The following SBNO2 variants were observed in gnomAD, a reference collection of about 807,000 sequenced individuals.
The protein encoded by SBNO2 is protein strawberry notch homolog 2.
In SBNO2, 89 loss-of-function variants were observed where a neutral mutation model predicts 146.3. That is an observed-to-expected ratio of 0.61 (90% confidence interval 0.51 to 0.73). The LOEUF (loss-of-function observed/expected upper bound fraction) is 0.73. Among genes scored for constraint, SBNO2 ranks in the 30% least tolerant of loss-of-function variants. The pLI is 0.00. For synonymous variants in SBNO2, 1,147 were observed against 892.6 expected, an observed-to-expected ratio of 1.29 and a Z score of -5.08; for missense variants, 2,092 against 2,003.7, an observed-to-expected ratio of 1.04 and a Z score of -0.84.
intron 4 of SBNO2, among the ~76,000 whole-genome samples, chr19:1,146,293 G>A (rs1192296497): frequency 1.3e-5 from 2 of 152,164 alleles, no homozygotes; most frequent in Non-Finnish European, 2.9e-5. Context: ...GCTTTGCCCC[G>A]CTCTGCTACG....
chr19:1,117,463 C>T lies in SBNO2; in HGVS notation c.1564G>A (p.Asp522Asn), dbSNP rs771547650. Residue 522 changes from aspartate (D) to asparagine (N), a missense_variant, in exon 15 of 32, where the codon GAC (aspartate) becomes AAC (asparagine). Coordinates refer to ENST00000361757, the MANE Select transcript of SBNO2 (RefSeq NM_014963.3). Reference sequence around the variant, plus strand: ...TTGCGCGACTCCAGGCCGATCCAGTCGGCCGCCTGCTGGAACACGTTCAGG... The same window carrying T: ...TTGCGCGACTCCAGGCCGATCCAGTTGGCCGCCTGCTGGAACACGTTCAGG... The part of the protein sequence containing the change: ...EALNVFQQAA[D>N]WIGLESRKSL... 8 of 1,587,718 alleles carry T rather than the reference C, an allele frequency of 5.0e-6. No individual in the cohort carries two copies. The South Asian group carries it at 5.8e-5, about 11-fold the overall frequency.
At chr19:1,164,099 G>A (rs1448940057) in intron 1 of SBNO2, among the ~76,000 whole-genome samples, 1 of 152,256 alleles carries the variant, frequency 6.6e-6, no homozygotes, top group Non-Finnish European at 1.5e-5. Context: ...TCTCCTGGGA[G>A]GGCTCAAGGG....
In SBNO2 at chr19:1,119,528, G is replaced by A. The variant is rs2079874176; in HGVS notation, c.1361C>T (p.Ala454Val). The A allele has an allele frequency of 6.2e-7, 1 of 1,607,656 alleles. No homozygotes were observed. The highest frequency in any genetic ancestry group is 1.3e-5 in the African/African-American group (1 of 74,800). The change falls in exon 13 of 32, where the codon GCC (alanine) becomes GTC (valine). Residue 454 changes from alanine (A) to valine (V), a missense_variant. Coordinates refer to ENST00000361757, the MANE Select transcript of SBNO2 (RefSeq NM_014963.3). Reference sequence around the variant, plus strand: ...GAAGGGCACTCACCTCTTCTCGATGGCGTGCAGGAACTCCTCAAAGTTCCG... The same window carrying A: ...GAAGGGCACTCACCTCTTCTCGATGACGTGCAGGAACTCCTCAAAGTTCCG... ...PFRNFEEFLH[A>V]IEKRGVGAME...
chr19:1,159,817 G>A (rs1213854329), intron 1 of SBNO2, among the ~76,000 whole-genome samples: 1 of 137,482 alleles, frequency 7.3e-6, no homozygotes, highest in Non-Finnish European at 1.6e-5. Flanking sequence ...ACAGTGGGGG[G>A]ACAGGAGGGG....
intron 11 of SBNO2, 173 bp from the exon 12 acceptor site, chr19:1,120,196 C>T (rs1200952588): frequency 2.5e-5 from 13 of 527,984 alleles, no homozygotes; most frequent in Non-Finnish European, 3.4e-5. Flanking sequence ...GGGGGGCGGG[C>T]GGGCAGGCGG....
intron 11 of SBNO2, among the ~76,000 whole-genome samples, chr19:1,120,771 C>T (rs1263970755): frequency 4.6e-5 from 7 of 152,038 alleles, no homozygotes; most frequent in Non-Finnish European, 8.8e-5. Flanking sequence ...CTGGTTCAAG[C>T]GATTCTCCTG....
intron 1 of SBNO2, among the ~76,000 whole-genome samples, chr19:1,155,737 C>A (rs919396110): frequency 1.3e-5 from 2 of 152,176 alleles, no homozygotes; most frequent in Non-Finnish European, 2.9e-5. Context: ...CGACCCCGGC[C>A]CCGTGTGCTG....
In SBNO2 at chr19:1,112,872, C is replaced by T; in HGVS notation, c.2325G>A (p.Leu775=). The change falls in exon 20 of 32, where the codon CTG becomes CTA. Residue 775 remains leucine (L), a synonymous_variant. Coordinates refer to ENST00000361757, the MANE Select transcript of SBNO2 (RefSeq NM_014963.3). This position sits in a 1 kb window ranked among gnomAD's most constrained non-coding sequence, Gnocchi z 5.9. ...VAFESRAEQG[L]SIDHVNLREK... ...CCCTGAGGTTCACGTGGTCGATGGA[C>T]AGACCCTGCTCTGCCCGCGACTCGA... 1 of 1,575,266 alleles carries T rather than the reference C, an allele frequency of 6.3e-7. No individual in the cohort carries two copies. The highest frequency in any genetic ancestry group is 8.6e-7 in the Non-Finnish European group (1 of 1,162,052).
chr19:1,146,085 C>T (rs1021546468), intron 4 of SBNO2, among the ~76,000 whole-genome samples: 2 of 152,168 alleles, frequency 1.3e-5, no homozygotes, highest in African/African-American at 4.8e-5. Flanking sequence ...CGGCCTCCAG[C>T]GTGGCGCCAG....
At position 1,109,188 on chromosome 19, in the gene SBNO2, C is replaced by T; in HGVS notation, c.3372G>A (p.Glu1124=). Residue 1124 remains glutamate, a synonymous_variant, in exon 30 of 32, where the codon GAG becomes GAA. Transcript: ENST00000361757. The surrounding 1 kb of genome is among the most constrained non-coding windows in gnomAD (Gnocchi z 4.2). ...ACAAAGCGTAGCCACTCTCCCAGGG[C>T]TCCTTGGCCTCCTCCGCGGTGACCT... The part of the protein sequence containing the change: ...FHRVTAEEAK[E]PWESGYALSL... 6.4e-7 allele frequency: 1 copy of T among 1,562,832 alleles called. No homozygotes were observed. The highest frequency in any genetic ancestry group is 8.7e-7 in the Non-Finnish European group (1 of 1,154,648).
chr19:1,123,710 G>A (rs1599841675), intron 6 of SBNO2, 71 bp from the exon 7 acceptor site: 1 of 1,438,828 alleles, frequency 7.0e-7, no homozygotes, highest in African/African-American at 1.4e-5. Flanking sequence ...TCCCCCAGGG[G>A]CAGGGGCCAG....
chr19:1,164,852 C>G (rs1385965019), intron 1 of SBNO2, among the ~76,000 whole-genome samples: 12 of 1,742 alleles, frequency 6.9e-3, no homozygotes, highest in Non-Finnish European at 0.01. Context: ...GGAGGAGGAA[C>G]AGGAGGAGGA....
At position 1,149,432 on chromosome 19, in the gene SBNO2, A is replaced by C; in HGVS notation, c.104T>G (p.Leu35Arg). The change falls in exon 3 of 32, where the codon CTG (leucine) becomes CGG (arginine). Residue 35 changes from leucine to arginine, a missense_variant. Physicochemically the swap from Leu to Arg is moderately radical, Grantham distance 102. Transcript: ENST00000361757. ...YSPPPLQSAMLHCPYWNTFSL... is the reference protein window; with the variant it reads ...YSPPPLQSAMRHCPYWNTFSL... ...GAAGGTGTTCCAGTAGGGGCAGTGCAGCATGGCGCTCTAGAAGAGACAGCG... is the reference window on the plus strand; with the variant it reads ...GAAGGTGTTCCAGTAGGGGCAGTGCCGCATGGCGCTCTAGAAGAGACAGCG... The C allele has an allele frequency of 6.4e-7, 1 of 1,552,008 alleles. No homozygotes were observed. The highest frequency in any genetic ancestry group is 8.7e-7 in the Non-Finnish European group (1 of 1,147,972).
At chr19:1,121,964 T>C (rs931735119) in intron 11 of SBNO2, among the ~76,000 whole-genome samples, 175 bp downstream of exon 11, 50 of 151,846 alleles carry the variant, frequency 3.3e-4, no homozygotes, top group Admixed American at 1.6e-3. Flanking sequence ...ACATCCAGGG[T>C]AGTGAGCTCC....
chr19:1,145,801 AC>A (rs1244186393), intron 4 of SBNO2, among the ~76,000 whole-genome samples: 5 of 152,126 alleles, frequency 3.3e-5, no homozygotes, highest in African/African-American at 1.2e-4. Flanking sequence ...GTCCAGGGCT[AC>A]TGCGGGTGAG....
chr19:1,155,059 C>T (rs1027406375), intron 1 of SBNO2: 2 of 152,196 alleles, frequency 1.3e-5, no homozygotes, highest in African/African-American at 4.8e-5. Flanking sequence ...CAGACGCCCG[C>T]CAGGCTGAGC....
intron 1 of SBNO2, among the ~76,000 whole-genome samples, chr19:1,164,322 C>T (rs935649131): frequency 3.3e-5 from 5 of 151,086 alleles, no homozygotes; most frequent in Non-Finnish European, 4.4e-5. Flanking sequence ...ACAAAGCCTC[C>T]CCCGTGCACA....
At chr19:1,135,333 G>A (rs2080075660) in intron 4 of SBNO2, among the ~76,000 whole-genome samples, 1 of 152,222 alleles carries the variant, frequency 6.6e-6, no homozygotes, top group Non-Finnish European at 1.5e-5. Context: ...CTGCACTCCA[G>A]CCTGGGCAAC....
chr19:1,133,164 G>A (rs749185792), intron 4 of SBNO2, among the ~76,000 whole-genome samples: 17 of 152,150 alleles, frequency 1.1e-4, no homozygotes, highest in Non-Finnish European at 1.9e-4. Flanking sequence ...GCTGTGGAGA[G>A]GACGGGCCCC....
Sources: allele counts gnomAD v4.1 joint callset (sites outside exome capture counted in the v4.1 genomes callset), GRCh38; gene constraint gnomAD v4.1.1; non-coding constraint Gnocchi (gnomAD v3.1); transcripts MANE v1.5; gene names NCBI Gene and HGNC (gene_info 2026-07-23, HGNC 2026-07-21).